COL17A1: variants seen among roughly 807,000 people sequenced by gnomAD.
COL17A1 encodes the protein collagen alpha-1(XVII) chain.
In COL17A1, 181 loss-of-function variants were observed where a neutral mutation model predicts 218.4. The ratio of observed to expected loss-of-function variants is 0.83; its 90% CI spans 0.73 to 0.94. COL17A1 has a LOEUF of 0.94. Among genes scored for constraint, COL17A1 ranks in the 40% least tolerant of loss-of-function variants. COL17A1 has a pLI of 0.00. For synonymous variants in COL17A1, 721 were observed against 731.0 expected (o/e 0.99, Z 0.22); for missense variants, 1,924 against 1,945.9 (o/e 0.99, Z 0.21).
chr10:104,041,712 G>GC, intron 36 of COL17A1, among the ~76,000 whole-genome samples, 174 bp from the exon 37 acceptor site: 1 of 152,280 alleles, frequency 6.6e-6, no homozygotes, highest in East Asian at 1.9e-4. Context: ...TGCTAAGGGT[G>GC]CCCCTCACTC....
At chr10:104,034,448 T>C (rs1443507076) in intron 51 of COL17A1, 114 bp from the exon 52 acceptor site, 5 of 1,469,196 alleles carry the variant, frequency 3.4e-6, no homozygotes, top group East Asian at 5.0e-5. Context: ...AGAAGTGAAC[T>C]TCAGGGTTCT....
At chr10:104,068,232 T>C (rs1274048736) in intron 9 of COL17A1, among the ~76,000 whole-genome samples, 4 of 152,222 alleles carry the variant, frequency 2.6e-5, no homozygotes, top group Non-Finnish European at 5.9e-5. Flanking sequence ...ATGTATTTTC[T>C]TGAATCCAGC....
chr10:104,032,946 G>C lies in COL17A1; in HGVS notation c.4317C>G (p.Pro1439=), dbSNP rs143826232. Residue 1439 remains proline (P), a synonymous_variant, in exon 54 of 56, where the codon CCC becomes CCG. Transcript: ENST00000648076. ...FFQTYGAIQG[P]PGQKGEMGTP... ...TGCCCATCTCTCCTTTTTGCCCAGGGGGTCCTTGAATGGCTCCATAAGCTG... is the reference window on the plus strand; with the variant it reads ...TGCCCATCTCTCCTTTTTGCCCAGGCGGTCCTTGAATGGCTCCATAAGCTG... 3.1e-4 allele frequency: 500 copies of C among 1,614,046 alleles called. 1 individual carries two copies. The African/African-American group carries it at 6.2e-3, about 20-fold the overall frequency.
At chr10:104,079,371 G>A (rs1284610198) in intron 2 of COL17A1, among the ~76,000 whole-genome samples, 5 of 152,128 alleles carry the variant, frequency 3.3e-5, no homozygotes, top group Non-Finnish European at 7.4e-5. Flanking sequence ...ATGCATGCAT[G>A]TGTGTATGTG....
At chr10:104,046,838 C>G in intron 31 of COL17A1, 65 bp from the exon 32 acceptor site, 1 of 1,505,138 alleles carries the variant, frequency 6.6e-7, no homozygotes, top group Non-Finnish European at 9.2e-7. Flanking sequence ...TAGCCACACC[C>G]ACACCTGCAG....
intron 31 of COL17A1, 151 bp downstream of exon 31, chr10:104,047,588 C>T (rs1192053230): frequency 1.4e-6 from 1 of 728,032 alleles, no homozygotes; most frequent in South Asian, 1.5e-5. Context: ...TTGTAAACAC[C>T]TGCATGCACA....
chr10:104,074,302 T>A lies in COL17A1; in HGVS notation c.332-71A>T, dbSNP rs905890913. 2.2e-5 allele frequency: 35 copies of A among 1,608,060 alleles called. 1 individual carries two copies. The South Asian group carries it at 3.6e-4, about 17-fold the overall frequency. On this transcript the variant is annotated intron_variant, in intron 5 of 55. Transcript: ENST00000648076. Reference sequence around the variant, plus strand: ...ATAAAGCTTCCAAAACGGGAGGTAGTGCCTGTTACTTATTTCTGGACCTCC... The same window carrying A: ...ATAAAGCTTCCAAAACGGGAGGTAGAGCCTGTTACTTATTTCTGGACCTCC...
intron 55 of COL17A1, 49 bp downstream of exon 55, chr10:104,032,625 G>A: frequency 6.4e-7 from 1 of 1,563,132 alleles, no homozygotes; most frequent in Non-Finnish European, 8.8e-7. Context: ...ATGAGCGTCA[G>A]CCTTGCAGCC....
chr10:104,042,390 C>T (rs1564674363), intron 36 of COL17A1, 30 bp downstream of exon 36: 6 of 1,613,670 alleles, frequency 3.7e-6, no homozygotes, highest in South Asian at 3.3e-5. Flanking sequence ...CTGGGCCCAT[C>T]GCTTTGCATT....
intron 10 of COL17A1, among the ~76,000 whole-genome samples, chr10:104,064,109 C>T (rs184554333): frequency 3.7e-3 from 563 of 152,274 alleles, no homozygotes; most frequent in Non-Finnish European, 6.2e-3. Flanking sequence ...CAGAGATGGT[C>T]CCTGAAGCTC....
At chr10:104,062,459 G>T in intron 11 of COL17A1, 130 bp from the exon 12 acceptor site, 2 of 1,226,502 alleles carry the variant, frequency 1.6e-6, no homozygotes, top group Non-Finnish European at 2.4e-6. Flanking sequence ...AACTTCCTCG[G>T]TTCCCACACT....
At position 104,032,081 on chromosome 10, in the gene COL17A1, A is replaced by G; in HGVS notation, c.*154T>C. The G allele has an allele frequency of 2.9e-6, 2 of 681,994 alleles. No individual in the cohort carries two copies. Among genetic ancestry groups the G allele is most frequent in the Non-Finnish European group, 5.3e-6 (2 of 375,094 alleles). The allele number at this position is 681,994 out of a possible 1,614,324, so 42.2% of individuals were successfully genotyped here. The stretch of plus-strand genomic sequence containing the variant: ...CTTTGACTGAATTCTATAAGTATAT[A>G]TTGTTCAGACTAAAACAAATGTTGC... On this transcript the variant is annotated 3_prime_UTR_variant, in exon 56 of 56. Coordinates refer to ENST00000648076, the MANE Select transcript of COL17A1 (RefSeq NM_000494.4).
At chr10:104,083,319 C>T (rs984922499) in intron 1 of COL17A1, among the ~76,000 whole-genome samples, 36 of 152,166 alleles carry the variant, frequency 2.4e-4, no homozygotes, top group African/African-American at 8.0e-4. Flanking sequence ...CCAGTGTGTT[C>T]GTCTTCCAAA....
chr10:104,058,790 T>C (rs1040410762), intron 15 of COL17A1, among the ~76,000 whole-genome samples: 3 of 151,910 alleles, frequency 2.0e-5, no homozygotes, highest in African/African-American at 7.3e-5. Context: ...AAAAATTAGC[T>C]GGATGTGGTG....
intron 48 of COL17A1, among the ~76,000 whole-genome samples, chr10:104,036,113 T>TATGGGAGTGTGA (rs1564671323): frequency 1.3e-5 from 1 of 77,238 alleles, no homozygotes; most frequent in Admixed American, 1.4e-4. Context: ...GGAGTGTGTG[T>TATGGGAGTGTGA]GTATGGGAGT....
intron 51 of COL17A1, 108 bp from the exon 52 acceptor site, chr10:104,034,442 G>GTGAA: frequency 2.0e-6 from 3 of 1,472,046 alleles, no homozygotes; most frequent in Non-Finnish European, 2.7e-6. Context: ...GAGACCAGAA[G>GTGAA]TGAACTTCAG....
At chr10:104,033,152 T>A (rs1564669154) in intron 53 of COL17A1, 86 bp downstream of exon 53, 8 of 1,544,980 alleles carry the variant, frequency 5.2e-6, no homozygotes, top group Non-Finnish European at 7.0e-6. Flanking sequence ...AACTGGAGAT[T>A]TCTCATGAGA....
chr10:104,040,370 TG>T lies in COL17A1; in HGVS notation c.2741del (p.Pro914GlnfsTer152). 2.5e-6 allele frequency: 4 copies of T among 1,610,982 alleles called. No homozygotes were observed. Among genetic ancestry groups the T allele is most frequent in the Non-Finnish European group, 2.5e-6 (3 of 1,177,222 alleles). ...TCTCACCTTGGTCTCCCTTGGGACC[TG>T]GGGGGCCAGGTGGGCCTGGGGGGCC... ...LSGPPGPPGP[P>X]GPKGDQGPPG... is the part of the protein sequence containing the mutation. On this transcript the variant is annotated frameshift_variant, in exon 40 of 56. Coordinates refer to ENST00000648076, the MANE Select transcript of COL17A1 (RefSeq NM_000494.4). LOFTEE classifies it high-confidence loss of function.
In COL17A1 at chr10:104,031,418, A is replaced by C. The variant is rs1395445037; in HGVS notation, c.*817T>G. 1 of 152,560 alleles carries C rather than the reference A, an allele frequency of 6.6e-6. No individual in the cohort carries two copies. The highest frequency in any genetic ancestry group is 6.5e-5 in the Admixed American group (1 of 15,272). 9.5% of individuals were successfully genotyped at this position (152,560 alleles called of 1,614,324 possible). On this transcript the variant is annotated 3_prime_UTR_variant, in exon 56 of 56. Transcript: ENST00000648076. Reference sequence around the variant, plus strand: ...AACTGCGCCCAGTCCCCCAAGTGCCATTTTCTGAGTGCAGAATGGAGGGTG... The same window carrying C: ...AACTGCGCCCAGTCCCCCAAGTGCCCTTTTCTGAGTGCAGAATGGAGGGTG...
Sources: allele counts gnomAD v4.1 joint callset (sites outside exome capture counted in the v4.1 genomes callset), GRCh38; gene constraint gnomAD v4.1.1; transcripts MANE v1.5; gene names NCBI Gene and HGNC (gene_info 2026-07-23, HGNC 2026-07-21).